Variants in DDX31 observed in about 807,000 individuals in gnomAD.
DDX31 encodes DEAD-box helicase 31.
DDX31 carries 70 observed loss-of-function variants against 91.3 expected under a neutral mutation model. That is an observed-to-expected ratio of 0.77 (90% CI 0.63 to 0.94). The LOEUF (loss-of-function observed/expected upper bound fraction) is 0.94. Ranked by LOEUF, DDX31 falls within the 40% of genes least tolerant of loss-of-function variation. The pLI, the probability that DDX31 is intolerant of heterozygous loss-of-function variation, is 0.00. For synonymous variants in DDX31, 362 were observed against 350.6 expected (o/e 1.03, Z -0.36); for missense variants, 902 against 925.0 (o/e 0.98, Z 0.32).
intron 6 of DDX31, chr9:132,658,207 T>C (rs2130825147): frequency 2.9e-6 from 2 of 689,196 alleles, no homozygotes; most frequent in East Asian, 2.7e-5. Context: ...ACCTTCACTG[T>C]AAGTCTTCAC....
chr9:132,664,744 T>C lies in DDX31; in HGVS notation c.76-2049A>G, dbSNP rs4962074. Among the ~76,000 whole-genome samples, 297 of 140,918 alleles carry C rather than the reference T, an allele frequency of 2.1e-3. 4 individuals carry two copies. Among genetic ancestry groups the C allele is most frequent in the Admixed American group, 0.019 (268 of 13,840 alleles). 92.4% of individuals were successfully genotyped at this position (140,918 alleles called of 152,430 possible). A position where few individuals can be genotyped will look rare whatever the true frequency, so the allele number is the denominator to read the frequency against. On this transcript the variant is annotated intron_variant, in intron 1 of 19. Coordinates refer to ENST00000372159, the MANE Select transcript of DDX31 (RefSeq NM_022779.9). Reference sequence around the variant, plus strand: ...AAAAAAAAAAAAAAAAAAACTGTAATATGATCAACAAAGCCTTCTAGAATC... The same window carrying C: ...AAAAAAAAAAAAAAAAAAACTGTAACATGATCAACAAAGCCTTCTAGAATC...
chr9:132,609,565 T>C lies in DDX31; in HGVS notation c.1994+2522A>G, dbSNP rs1238817055. ...ATAAAGGGAGATCATCTGCTAACTA[T>C]GAAATCTTGGGATTGCATTTATTTT... On this transcript the variant is annotated intron_variant, in intron 19 of 19. Transcript: ENST00000372159. Among the ~76,000 whole-genome samples, 7 of 152,346 alleles carry C rather than the reference T, an allele frequency of 4.6e-5. No homozygotes were observed. In the East Asian group the frequency reaches 7.7e-4, roughly 17 times the overall value.
At position 132,658,634 on chromosome 9, in the gene DDX31, C is replaced by T. The variant is rs765856689; in HGVS notation, c.588+37G>A. 2.5e-6 allele frequency: 4 copies of T among 1,582,632 alleles called. No homozygotes were observed. In the South Asian group the frequency reaches 4.5e-5, roughly 18 times the overall value. ...CTTCAGTTTGATGGTTGCTTATGCA[C>T]TATGAGCAATGACAGAAAAACACAT... On this transcript the variant is annotated intron_variant, in intron 6 of 19. Coordinates refer to ENST00000372159, the MANE Select transcript of DDX31 (RefSeq NM_022779.9).
At chr9:132,606,812 G>T (rs763786082) in intron 19 of DDX31, among the ~76,000 whole-genome samples, 12 of 152,164 alleles carry the variant, frequency 7.9e-5, no homozygotes, top group Non-Finnish European at 1.6e-4. Context: ...ACCAGAGAGG[G>T]GCAAGGGAGA....
At chr9:132,603,115 T>C (rs1042041560) in intron 19 of DDX31, among the ~76,000 whole-genome samples, 4 of 152,206 alleles carry the variant, frequency 2.6e-5, no homozygotes, top group African/African-American at 9.6e-5. Context: ...CATGGAGGAC[T>C]CAGCTCAGCA....
At chr9:132,615,933 G>C (rs908726777) in intron 18 of DDX31, among the ~76,000 whole-genome samples, 1 of 152,246 alleles carries the variant, frequency 6.6e-6, no homozygotes, top group African/African-American at 2.4e-5. Flanking sequence ...GCAAAAGCCA[G>C]CTGCTTTGTT....
In DDX31 at chr9:132,632,054, G is replaced by A. The variant is rs370315245; in HGVS notation, c.1478C>T (p.Thr493Met). 6 of 1,613,080 alleles carry A rather than the reference G, an allele frequency of 3.7e-6. No individual in the cohort carries two copies. The highest frequency in any genetic ancestry group is 3.3e-4 in the Middle Eastern group (2 of 6,084). ...AARGLDLPQV[T>M]WIVQYNAPSS... is the part of the protein sequence containing the mutation. The stretch of plus-strand genomic sequence containing the variant: ...CTAAAAAATTACCTGAACAATCCAC[G>A]TGACTTGAGGGAGATCTAAGCCCCG... The change falls in exon 15 of 20, where the codon ACG (threonine) becomes ATG (methionine). Residue 493 changes from threonine (T) to methionine (M), a missense_variant. Transcript: ENST00000372159.
chr9:132,628,678 T>G (rs889097597), intron 16 of DDX31, among the ~76,000 whole-genome samples: 1 of 152,238 alleles, frequency 6.6e-6, no homozygotes, highest in South Asian at 2.1e-4. Context: ...CACTCATTTT[T>G]CTTAGGAAGA....
At chr9:132,668,205 T>A (rs576899763) in intron 1 of DDX31, among the ~76,000 whole-genome samples, 33 of 152,316 alleles carry the variant, frequency 2.2e-4, no homozygotes, top group African/African-American at 7.7e-4. Context: ...CTTTCTGTCC[T>A]GTAGTCCTCT....
rs555068686 is a variant in DDX31, at chr9:132,626,906, G to C, written c.1632-1161C>G. ...CAGCAGCAAAGAGTCAACCAGAGGA[G>C]GCAGAGCATGCTCTGAAAGGGCAGG... On this transcript the variant is annotated intron_variant, in intron 16 of 19. Coordinates refer to ENST00000372159, the MANE Select transcript of DDX31 (RefSeq NM_022779.9). 5.3e-4 allele frequency among the ~76,000 whole-genome samples: 80 copies of C among 152,216 alleles called. No homozygotes were observed. The South Asian group carries it at 0.016, about 30-fold the overall frequency.
Position 132,594,824 on chromosome 9 carries a change from C to A in DDX31, c.*42G>T, listed in dbSNP as rs1830350978. The A allele has an allele frequency of 1.2e-6, 2 of 1,602,868 alleles. No individual in the cohort carries two copies. Among genetic ancestry groups the A allele is most frequent in the Non-Finnish European group, 1.7e-6 (2 of 1,173,768 alleles). ...CAAGAACTGGACATCAATCCACTGC[C>A]ACCCGGGGCTTCCAGGTTCCACTCG... On this transcript the variant is annotated 3_prime_UTR_variant, in exon 20 of 20. Coordinates refer to ENST00000372159, the MANE Select transcript of DDX31 (RefSeq NM_022779.9).
rs982078864 is a variant in DDX31 at position 132,595,307 on chromosome 9, A to G, written c.1995-195T>C. ...TTAGATACGGCGCTGACAGATTTTC[A>G]TAACAGCGGCAAAATATCATGGCAT... is the stretch of plus-strand genomic sequence containing the variant. On this transcript the variant is annotated intron_variant, in intron 19 of 19. Coordinates refer to ENST00000372159, the MANE Select transcript of DDX31 (RefSeq NM_022779.9). The surrounding 1 kb of genome is among the most constrained non-coding windows in gnomAD (Gnocchi z 4.6). 7.9e-5 allele frequency among the ~76,000 whole-genome samples: 12 copies of G among 152,200 alleles called. No individual in the cohort carries two copies. Among genetic ancestry groups the G allele is most frequent in the Non-Finnish European group, 1.8e-4 (12 of 68,032 alleles).
intron 13 of DDX31, among the ~76,000 whole-genome samples, chr9:132,645,142 G>A (rs1229720396): frequency 6.6e-6 from 1 of 152,020 alleles, no homozygotes; most frequent in Non-Finnish European, 1.5e-5. Context: ...CTCTCCTCTA[G>A]GGCAAAATGG....
At position 132,608,481 on chromosome 9, in the gene DDX31, T is replaced by C. The variant is rs60530484; in HGVS notation, c.1994+3606A>G. Among the ~76,000 whole-genome samples, 218 of 152,300 alleles carry C rather than the reference T, an allele frequency of 1.4e-3. 4 individuals are homozygous for C. In the East Asian group the frequency reaches 0.039, roughly 27 times the overall value. On this transcript the variant is annotated intron_variant, in intron 19 of 19. Transcript: ENST00000372159. ...GACGAAGGGTCCCTCTCCCATCGCA[T>C]GGACCAGCCGAACAGCCTCCTCACT...
At chr9:132,631,692 C>T (rs1477575688) in intron 15 of DDX31, among the ~76,000 whole-genome samples, 1 of 152,190 alleles carries the variant, frequency 6.6e-6, no homozygotes, top group Non-Finnish European at 1.5e-5. Context: ...GGCTCTCGGA[C>T]AGCTGAGCCA....
intron 19 of DDX31, among the ~76,000 whole-genome samples, chr9:132,603,931 A>G (rs1282108597): frequency 2.0e-5 from 3 of 152,202 alleles, no homozygotes; most frequent in African/African-American, 4.8e-5. Flanking sequence ...TCCACGAGGA[A>G]GCAGAAAGCT....
chr9:132,611,188 G>C (rs1451833232), intron 19 of DDX31, among the ~76,000 whole-genome samples: 2 of 152,174 alleles, frequency 1.3e-5, no homozygotes, highest in African/African-American at 4.8e-5. Context: ...GTGGAAAAGG[G>C]AGGATAAACA....
intron 19 of DDX31, among the ~76,000 whole-genome samples, chr9:132,598,395 C>T (rs1321937510): frequency 6.6e-6 from 1 of 152,206 alleles, no homozygotes; most frequent in Non-Finnish European, 1.5e-5. Flanking sequence ...CCTTCCTGAG[C>T]ATCCACCATA....
In DDX31 at chr9:132,641,122, C is replaced by T. The variant is rs188986971; in HGVS notation, c.1440+882G>A. Among the ~76,000 whole-genome samples, 520 of 152,248 alleles carry T rather than the reference C, an allele frequency of 3.4e-3. 2 individuals carry two copies. The highest frequency in any genetic ancestry group is 6.8e-3 in the Middle Eastern group (2 of 294). On this transcript the variant is annotated intron_variant, in intron 14 of 19. Transcript: ENST00000372159. ...CACAAGAAACCATGCTGCACTCATA[C>T]AGAGACTCTACACTTAAGACAGAAA...
Sources: gnomAD v4.1 joint callset for allele counts (sites outside exome capture counted in the v4.1 genomes callset) on GRCh38, gnomAD v4.1.1 for gene constraint, Gnocchi (gnomAD v3.1) non-coding constraint, MANE v1.5 for transcripts, NCBI Gene and HGNC (gene_info 2026-07-23, HGNC 2026-07-21) for gene names.